KIAA1755: variants seen among roughly 807,000 people sequenced by gnomAD.
The protein encoded by KIAA1755 is uncharacterized protein KIAA1755.
A neutral mutation model predicts 91.7 loss-of-function variants in KIAA1755; 68 were observed. The observed-to-expected ratio is 0.74, with a 90% CI of 0.61 to 0.91. The LOEUF (loss-of-function observed/expected upper bound fraction) is 0.91, where lower values mean the gene tolerates loss of function less well. Among genes scored for constraint, KIAA1755 ranks in the 40% least tolerant of loss-of-function variants. The probability of loss-of-function intolerance (pLI) is 0.00; values close to 1 mark genes in which losing one functional copy is unlikely to be tolerated. For synonymous variants in KIAA1755, 610 were observed against 604.6 expected (o/e 1.01, Z -0.13); for missense variants, 1,535 against 1,494.4 (o/e 1.03, Z -0.45).
At chr20:38,245,231 G>A (rs2076136080) in intron 2 of KIAA1755, among the ~76,000 whole-genome samples, 1 of 152,096 alleles carries the variant, frequency 6.6e-6, no homozygotes, top group African/African-American at 2.4e-5. Context: ...TCCTCTCTAG[G>A]ATAGAATATA....
At position 38,241,512 on chromosome 20, in the gene KIAA1755, C is replaced by T; in HGVS notation, c.619G>A (p.Glu207Lys). ...LCQAWGPLPL[E>K]ALDLSSPQEL... Reference sequence around the variant, plus strand: ...TGAGGGCTGCTCAAATCCAGTGCCTCTAATGGAAGGGGCCCCCAGGCTTGG... The same window carrying T: ...TGAGGGCTGCTCAAATCCAGTGCCTTTAATGGAAGGGGCCCCCAGGCTTGG... The change falls in exon 3 of 14, where the codon GAG (glutamate) becomes AAG (lysine). Residue 207 changes from glutamate (E) to lysine (K), a missense_variant. Transcript: ENST00000279024. 1 of 1,614,254 alleles carries T rather than the reference C, an allele frequency of 6.2e-7. No homozygotes were observed.
intron 3 of KIAA1755, 66 bp downstream of exon 3, chr20:38,240,516 C>A: frequency 7.1e-7 from 1 of 1,410,230 alleles, no homozygotes; most frequent in Non-Finnish European, 9.3e-7. Context: ...ACAACCAAAA[C>A]CACCTAAAAT....
rs150696137 is a variant in KIAA1755, at chr20:38,222,669, C to T, written c.2269-72G>A. The T allele has an allele frequency of 2.1e-3, 3,202 of 1,512,498 alleles. 46 individuals carry two copies. The East Asian group carries it at 0.047, about 22-fold the overall frequency. The allele number at this position is 1,512,498 out of a possible 1,614,324, so 93.7% of individuals were successfully genotyped here. ...CTGCAACCTTCCAAGGCTCCCCACA[C>T]CCAGATCAAGTCCAACTCCCAGTTT... On this transcript the variant is annotated intron_variant, in intron 9 of 13. Coordinates refer to ENST00000279024, the MANE Select transcript of KIAA1755 (RefSeq NM_001029864.2).
At position 38,241,637 on chromosome 20, in the gene KIAA1755, C is replaced by T; in HGVS notation, c.494G>A (p.Cys165Tyr). ...AATCCCATTTTCTGATGCTACCAAGCAGTTGTGTAGGGGATTTCCCTCAAA... is the reference window on the plus strand; with the variant it reads ...AATCCCATTTTCTGATGCTACCAAGTAGTTGTGTAGGGGATTTCCCTCAAA... ...SDFEGNPLHN[C>Y]LVASENGIAP... Residue 165 changes from cysteine (C) to tyrosine (Y), a missense_variant, in exon 3 of 14, where the codon TGC becomes TAC. Transcript: ENST00000279024. 1 of 1,614,244 alleles carries T rather than the reference C, an allele frequency of 6.2e-7. No individual in the cohort carries two copies. The highest frequency in any genetic ancestry group is 8.5e-7 in the Non-Finnish European group (1 of 1,180,044).
chr20:38,222,070 CA>C (rs1474812174), intron 10 of KIAA1755, among the ~76,000 whole-genome samples: 7 of 152,232 alleles, frequency 4.6e-5, no homozygotes, highest in Non-Finnish European at 8.8e-5. Flanking sequence ...GCCAAATGGA[CA>C]ATGTGGACCT....
intron 1 of KIAA1755, among the ~76,000 whole-genome samples, chr20:38,259,823 CACACA>C (rs1338530628): frequency 3.3e-4 from 23 of 70,452 alleles, no homozygotes; most frequent in Non-Finnish European, 1.8e-4. Flanking sequence ...ACCACCACCA[CACACA>C]CACACACACA....
Position 38,223,564 on chromosome 20 carries a change from T to C in KIAA1755, c.2242A>G (p.Lys748Glu). The change falls in exon 9 of 14, where the codon AAG becomes GAG. Residue 748 changes from lysine to glutamate, a missense_variant. Coordinates refer to ENST00000279024, the MANE Select transcript of KIAA1755 (RefSeq NM_001029864.2). ...TGCATCCCCCCAGGGGGGTCGGCCTTCTCGAATTCCTCGATGGAAGCTTGT... is the reference window on the plus strand; with the variant it reads ...TGCATCCCCCCAGGGGGGTCGGCCTCCTCGAATTCCTCGATGGAAGCTTGT... The part of the protein sequence containing the change: ...LLQASIEEFE[K>E]ADPPGGMQEA... 1 of 1,599,590 alleles carries C rather than the reference T, an allele frequency of 6.3e-7. No individual in the cohort carries two copies. The highest frequency in any genetic ancestry group is 8.5e-7 in the Non-Finnish European group (1 of 1,174,382).
chr20:38,247,249 C>G (rs1225274334), intron 1 of KIAA1755, among the ~76,000 whole-genome samples: 1 of 152,214 alleles, frequency 6.6e-6, no homozygotes, highest in Non-Finnish European at 1.5e-5. Context: ...GAAGCATCAG[C>G]CTCCAGGCAT....
At chr20:38,221,961 G>A (rs1232170178) in intron 10 of KIAA1755, among the ~76,000 whole-genome samples, 1 of 152,208 alleles carries the variant, frequency 6.6e-6, no homozygotes, top group Non-Finnish European at 1.5e-5. Flanking sequence ...GAAAGGCAGG[G>A]CCGGGTAGGG....
chr20:38,230,853 A>G (rs2075848270), intron 5 of KIAA1755, among the ~76,000 whole-genome samples: 1 of 150,680 alleles, frequency 6.6e-6, no homozygotes. Context: ...GCATTGTTGC[A>G]CTCCAGTCTG....
intron 1 of KIAA1755, among the ~76,000 whole-genome samples, chr20:38,251,163 T>TGG (rs1174041866): frequency 1.2e-4 from 18 of 152,318 alleles, no homozygotes; most frequent in African/African-American, 4.1e-4. Context: ...ATAGTACCAT[T>TGG]AAATTCTAGG....
At chr20:38,250,522 G>A (rs1008828846) in intron 1 of KIAA1755, among the ~76,000 whole-genome samples, 3 of 151,362 alleles carry the variant, frequency 2.0e-5, no homozygotes, top group African/African-American at 7.3e-5. Context: ...CTGTGTGTGT[G>A]TGTGTGTGTG....
At chr20:38,238,827 G>T (rs2076003916) in intron 4 of KIAA1755, among the ~76,000 whole-genome samples, 1 of 152,220 alleles carries the variant, frequency 6.6e-6, no homozygotes, top group South Asian at 2.1e-4. Flanking sequence ...ATTGGATGCT[G>T]CTAGTACCCC....
intron 10 of KIAA1755, among the ~76,000 whole-genome samples, chr20:38,220,869 A>G (rs1227948314): frequency 6.6e-6 from 1 of 152,202 alleles, no homozygotes; most frequent in Non-Finnish European, 1.5e-5. Flanking sequence ...AACCCCACCC[A>G]GGGCTGTTTC....
Position 38,211,118 on chromosome 20 carries a change from G to A in KIAA1755, c.*1924C>T, listed in dbSNP as rs113242901. 10 of 152,212 alleles carry A rather than the reference G, an allele frequency of 6.6e-5. No homozygotes were observed. Among genetic ancestry groups the A allele is most frequent in the Non-Finnish European group, 1.3e-4 (9 of 68,046 alleles). 9.4% of individuals were successfully genotyped at this position (152,212 alleles called of 1,614,324 possible). On this transcript the variant is annotated 3_prime_UTR_variant, in exon 14 of 14. Transcript: ENST00000279024. Reference sequence around the variant, plus strand: ...GGATTCCCTAGGAAGCCTTTTGACCGGCTCTGCTCATGGCTCTGAGGCAGG... The same window carrying A: ...GGATTCCCTAGGAAGCCTTTTGACCAGCTCTGCTCATGGCTCTGAGGCAGG...
intron 1 of KIAA1755, 77 bp downstream of exon 1, chr20:38,260,421 C>A: frequency 6.3e-7 from 1 of 1,584,078 alleles, no homozygotes; most frequent in Non-Finnish European, 8.6e-7. Context: ...CCACCCGGGG[C>A]TGTTCTGCAG....
rs557396087 is a variant in KIAA1755 at position 38,213,557 on chromosome 20, C to G, written c.3088G>C (p.Gly1030Arg). ...CGGGCCTCCTCCCATAGCTCCTGGC[C>G]CAGGCCTGCCCGGCTCAGGGAGGCC... ...QVASLSRAGL[G>R]QELWEEARIR... Residue 1030 changes from glycine (G) to arginine (R), a missense_variant, in exon 14 of 14, where the codon GGC (glycine) becomes CGC (arginine). Transcript: ENST00000279024. 50 of 1,606,214 alleles carry G rather than the reference C, an allele frequency of 3.1e-5. No individual in the cohort carries two copies. The South Asian group carries it at 5.2e-4, about 17-fold the overall frequency.
At position 38,219,260 on chromosome 20, in the gene KIAA1755, A is replaced by C. The variant is rs370578777; in HGVS notation, c.2556+370T>G. ...TCCAGAATCAGACCCCGAGATATGCAACCACAAGCAGGTAACATAATGTCT... is the reference window on the plus strand; with the variant it reads ...TCCAGAATCAGACCCCGAGATATGCCACCACAAGCAGGTAACATAATGTCT... On this transcript the variant is annotated intron_variant, in intron 11 of 13. Transcript: ENST00000279024. 2.8e-4 allele frequency among the ~76,000 whole-genome samples: 43 copies of C among 152,242 alleles called. No homozygotes were observed. In the East Asian group the frequency reaches 5.0e-3, roughly 18 times the overall value.
chr20:38,225,892 T>C (rs1050144372), intron 7 of KIAA1755, 111 bp from the exon 8 acceptor site: 8 of 591,530 alleles, frequency 1.4e-5, no homozygotes, highest in Non-Finnish European at 1.7e-5. Context: ...CAAGTAAGGT[T>C]GACTCCAGCT....
Sources: gnomAD v4.1 joint callset for allele counts (sites outside exome capture counted in the v4.1 genomes callset) on GRCh38, gnomAD v4.1.1 for gene constraint, MANE v1.5 for transcripts, NCBI Gene and HGNC (gene_info 2026-07-23, HGNC 2026-07-21) for gene names.